The following PLOD1 variants were observed in gnomAD, a reference collection of about 807,000 sequenced individuals.
PLOD1 encodes the protein lysine hydroxylase.
PLOD1 carries 70 observed loss-of-function variants against 94.7 expected under a neutral mutation model. That is an observed-to-expected ratio of 0.74 (90% CI 0.61 to 0.90). The LOEUF (loss-of-function observed/expected upper bound fraction) is 0.90, where lower values mean the gene tolerates loss of function less well. PLOD1 is among the 40% of genes least tolerant of loss of function. The pLI, the probability that PLOD1 is intolerant of heterozygous loss-of-function variation, is 0.00. For synonymous variants in PLOD1, 417 were observed against 400.2 expected (o/e 1.04, Z -0.50); for missense variants, 905 against 972.7 (o/e 0.93, Z 0.93).
chr1:11,945,225 G>C (rs1044567697), intron 1 of PLOD1, among the ~76,000 whole-genome samples: 3 of 152,150 alleles, frequency 2.0e-5, no homozygotes, highest in African/African-American at 7.2e-5. Flanking sequence ...TTCCAGACCA[G>C]CCTGAGTAAC....
chr1:11,966,312 A>G lies in PLOD1; in HGVS notation c.1646A>G (p.Glu549Gly). 1 of 1,603,834 alleles carries G rather than the reference A, an allele frequency of 6.2e-7. No individual in the cohort carries two copies. Among genetic ancestry groups the G allele is most frequent in the Non-Finnish European group, 8.5e-7 (1 of 1,174,688 alleles). The part of the protein sequence containing the change: ...YTKALAGKLV[E>G]TPCPDVYWFP... ...AAAGCCCTGGCAGGGAAGCTGGTGG[A>G]GACGGTAAGGGCCATGGACACCCTC... Residue 549 changes from glutamate (E) to glycine (G), a missense_variant, in exon 15 of 19, where the codon GAG (glutamate) becomes GGG (glycine). By Grantham distance (98) the Glu-to-Gly change is moderately conservative (BLOSUM62 -2). Coordinates refer to ENST00000196061, the MANE Select transcript of PLOD1 (RefSeq NM_000302.4).
In PLOD1 at chr1:11,958,065, C is replaced by T; in HGVS notation, c.843+122C>T. On this transcript the variant is annotated intron_variant, in intron 8 of 18. Coordinates refer to ENST00000196061, the MANE Select transcript of PLOD1 (RefSeq NM_000302.4). The surrounding 1 kb of genome is among the most constrained non-coding windows in gnomAD (Gnocchi z 4.3). ...GGTGGAAAGTGAAGGGGTCACCTCC[C>T]TGCCTGGGGTTCTATCCCGGTTGCC... The T allele has an allele frequency of 1.3e-6, 1 of 742,290 alleles. No individual in the cohort carries two copies. Among genetic ancestry groups the T allele is most frequent in the South Asian group, 1.6e-5 (1 of 64,392 alleles). The allele number at this position is 742,290 out of a possible 1,614,324, so 46.0% of individuals were successfully genotyped here. A position where few individuals can be genotyped will look rare whatever the true frequency, so the allele number is the denominator to read the frequency against.
chr1:11,947,730 A>C (rs1459382143), intron 1 of PLOD1, among the ~76,000 whole-genome samples: 2 of 152,152 alleles, frequency 1.3e-5, no homozygotes, highest in Non-Finnish European at 1.5e-5. Context: ...TTCAATGTGC[A>C]ATTTGGAGGG....
chr1:11,952,711 G>C lies in PLOD1; in HGVS notation c.555G>C (p.Lys185Asn), dbSNP rs142978362. The stretch of plus-strand genomic sequence containing the variant: ...ACAGCGATCAGCTGTTTTACACCAA[G>C]ATCTTCTTGGACCCGGAGAAGAGGG... ...DSDSDQLFYT[K>N]IFLDPEKREQ... Residue 185 changes from lysine to asparagine, a missense_variant, in exon 5 of 19, where the codon AAG becomes AAC. Coordinates refer to ENST00000196061, the MANE Select transcript of PLOD1 (RefSeq NM_000302.4). The C allele has an allele frequency of 6.2e-7, 1 of 1,613,692 alleles. No individual in the cohort carries two copies. The highest frequency in any genetic ancestry group is 1.1e-5 in the South Asian group (1 of 91,082).
rs149124387 is a variant in PLOD1 at position 11,965,504 on chromosome 1, C to T, written c.1495C>T (p.Arg499Trp). The T allele has an allele frequency of 4.2e-4, 683 of 1,613,106 alleles. 2 individuals carry two copies. In the East Asian group the frequency reaches 7.1e-3, roughly 17 times the overall value. Residue 499 changes from arginine (R) to tryptophan (W), a missense_variant, in exon 14 of 19, where the codon CGG becomes TGG. Physicochemically the swap from Arg to Trp is moderately radical, Grantham distance 101. Transcript: ENST00000196061. ...QQDVFMFLTN[R>W]HTLGHLLSLD... The stretch of plus-strand genomic sequence containing the variant: ...GGATGTGTTCATGTTCCTGACCAAC[C>T]GGCACACCCTTGGCCATCTGCTCTC...
intron 1 of PLOD1, among the ~76,000 whole-genome samples, chr1:11,941,914 C>T (rs753709462): frequency 8.6e-5 from 13 of 151,230 alleles, no homozygotes; most frequent in African/African-American, 3.2e-4. Flanking sequence ...GAATTCCTGA[C>T]CTCAGGTGAT....
At chr1:11,956,813 CAT>C in intron 6 of PLOD1, 102 bp from the exon 7 acceptor site, 1 of 786,398 alleles carries the variant, frequency 1.3e-6, no homozygotes. Flanking sequence ...TGCCCGAGGA[CAT>C]AATCTACTCA....
At chr1:11,954,362 C>G (rs924075063) in intron 5 of PLOD1, 19 of 348,382 alleles carry the variant, frequency 5.5e-5, no homozygotes, top group Non-Finnish European at 1.1e-4. Context: ...GGCACATGCC[C>G]GTAGTCCCAG....
At chr1:11,964,327 T>TGGGGTGGGGGGGGGGGGGG in intron 12 of PLOD1, 27 bp downstream of exon 12, 1 of 546,362 alleles carries the variant, frequency 1.8e-6, no homozygotes, top group East Asian at 4.8e-5. Context: ...TGGGGGTGGG[T>TGGGGTGGGGGGGGGGGGGG]GGGGGACACC....
At chr1:11,936,706 A>G (rs1332757743) in intron 1 of PLOD1, among the ~76,000 whole-genome samples, 1 of 151,790 alleles carries the variant, frequency 6.6e-6, no homozygotes, top group Non-Finnish European at 1.5e-5. Flanking sequence ...TATCTTTAGA[A>G]GAGACGAGGT....
At position 11,963,835 on chromosome 1, in the gene PLOD1, C is replaced by T. The variant is rs1326018779; in HGVS notation, c.1202+199C>T. 6.6e-6 allele frequency among the ~76,000 whole-genome samples: 1 copy of T among 151,416 alleles called. No individual in the cohort carries two copies. ...CTCTTCCTCCTCTTCCTCCTTTTTCCTCCTCCTCCTCGTCTTCCTCATCCT... is the reference window on the plus strand; with the variant it reads ...CTCTTCCTCCTCTTCCTCCTTTTTCTTCCTCCTCCTCGTCTTCCTCATCCT... On this transcript the variant is annotated intron_variant, in intron 11 of 18. Coordinates refer to ENST00000196061, the MANE Select transcript of PLOD1 (RefSeq NM_000302.4). This position sits in a 1 kb window ranked among gnomAD's most constrained non-coding sequence, Gnocchi z 4.3.
chr1:11,954,621 T>A, intron 5 of PLOD1: 1 of 768,694 alleles, frequency 1.3e-6, no homozygotes, highest in South Asian at 1.4e-5. Context: ...AGTCCCTGGT[T>A]TTCTGTGAGT....
At position 11,974,716 on chromosome 1, in the gene PLOD1, C is replaced by A; in HGVS notation, c.2092C>A (p.Leu698Ile). 6.2e-7 allele frequency: 1 copy of A among 1,613,958 alleles called. No individual in the cohort carries two copies. Among genetic ancestry groups the A allele is most frequent in the Non-Finnish European group, 8.5e-7 (1 of 1,179,830 alleles). Residue 698 changes from leucine (L) to isoleucine (I), a missense_variant, in exon 19 of 19, where the codon CTC (leucine) becomes ATC (isoleucine). Transcript: ENST00000196061. ...SIRAPRKGWT[L>I]MHPGRLTHYH... ...CCGAGCCCCAAGGAAGGGCTGGACCCTCATGCACCCTGGACGACTCACGCA... is the reference window on the plus strand; with the variant it reads ...CCGAGCCCCAAGGAAGGGCTGGACCATCATGCACCCTGGACGACTCACGCA...
In PLOD1 at chr1:11,972,550, C is replaced by A; in HGVS notation, c.1903-322C>A. On this transcript the variant is annotated intron_variant, in intron 17 of 18. Transcript: ENST00000196061. This position sits in a 1 kb window ranked among gnomAD's most constrained non-coding sequence, Gnocchi z 4.6. ...TTACAGGCGTGAGTACCATGTCCGG[C>A]CTCCTTCCCTTTCATTTCTTCTCTT... 3.0e-6 allele frequency: 1 copy of A among 328,960 alleles called. No homozygotes were observed. Among genetic ancestry groups the A allele is most frequent in the Non-Finnish European group, 6.0e-6 (1 of 167,640 alleles). The allele number at this position is 328,960 out of a possible 1,614,324, so 20.4% of individuals were successfully genotyped here.
At chr1:11,951,716 G>C (rs963094055) in intron 4 of PLOD1, among the ~76,000 whole-genome samples, 2 of 149,798 alleles carry the variant, frequency 1.3e-5, no homozygotes, top group Non-Finnish European at 3.0e-5. Flanking sequence ...TCAGGAGATC[G>C]AGACCATCCT....
rs757645346 is a variant in PLOD1, at chr1:11,974,857, T to C, written c.*49T>C. Reference sequence around the variant, plus strand: ...ACCTTTCTTCTTTGCCGACAACCACTGCCCAGCAGCCTCTGGGACCTCGGG... The same window carrying C: ...ACCTTTCTTCTTTGCCGACAACCACCGCCCAGCAGCCTCTGGGACCTCGGG... On this transcript the variant is annotated 3_prime_UTR_variant, in exon 19 of 19. Transcript: ENST00000196061. 1.3e-6 allele frequency: 2 copies of C among 1,598,234 alleles called. No individual in the cohort carries two copies. Among genetic ancestry groups the C allele is most frequent in the Non-Finnish European group, 8.6e-7 (1 of 1,165,746 alleles).
chr1:11,955,420 C>G (rs928848106), intron 6 of PLOD1, among the ~76,000 whole-genome samples: 1 of 151,536 alleles, frequency 6.6e-6, no homozygotes, highest in African/African-American at 2.4e-5. Context: ...CCACAGGGGA[C>G]TCAGTTTTCT....
In PLOD1 at chr1:11,964,664, A is replaced by G. The variant is rs1264798278; in HGVS notation, c.1349A>G (p.Tyr450Cys). The G allele has an allele frequency of 3.1e-6, 5 of 1,613,062 alleles. No homozygotes were observed. The highest frequency in any genetic ancestry group is 1.1e-5 in the South Asian group (1 of 91,072). Reference sequence around the variant, plus strand: ...CACAGTGGTGTCTGGAATGTGCCCTATATTTCAAACATCTACTTGATCAAG... The same window carrying G: ...CACAGTGGTGTCTGGAATGTGCCCTGTATTTCAAACATCTACTTGATCAAG... ...GRRVGVWNVP[Y>C]ISNIYLIKGS... is the part of the protein sequence containing the mutation. Residue 450 changes from tyrosine (Y) to cysteine (C), a missense_variant, in exon 13 of 19, where the codon TAT becomes TGT. Physicochemically the swap from Tyr to Cys is radical, Grantham distance 194 (BLOSUM62 -2). Coordinates refer to ENST00000196061, the MANE Select transcript of PLOD1 (RefSeq NM_000302.4).
chr1:11,947,942 C>T (rs1645667928), intron 1 of PLOD1, 34 bp from the exon 2 acceptor site: 1 of 1,359,474 alleles, frequency 7.4e-7, no homozygotes, highest in Non-Finnish European at 1.1e-6. Flanking sequence ...CCTCATCCTC[C>T]ATTCCCATTC....
Sources: allele counts gnomAD v4.1 joint callset (sites outside exome capture counted in the v4.1 genomes callset), GRCh38; gene constraint gnomAD v4.1.1; non-coding constraint Gnocchi (gnomAD v3.1); transcripts MANE v1.5; gene names NCBI Gene and HGNC (gene_info 2026-07-23, HGNC 2026-07-21).